KCNC4: variants seen among roughly 807,000 people sequenced by gnomAD.
KCNC4 encodes the protein potassium voltage-gated channel subfamily C member 4, also known as voltage-gated potassium channel KCNC4.
A neutral mutation model predicts 42.8 loss-of-function variants in KCNC4; 23 were observed. The observed-to-expected ratio is 0.54, with a 90% CI of 0.39 to 0.76. The LOEUF (loss-of-function observed/expected upper bound fraction) is 0.76. KCNC4 is among the 30% of genes least tolerant of loss of function. The probability of loss-of-function intolerance (pLI) is 0.00; values close to 1 mark genes in which losing one functional copy is unlikely to be tolerated. For missense variants in KCNC4, 751 were observed against 898.2 expected (o/e 0.84, Z 2.10); for synonymous variants, 422 against 393.5 (o/e 1.07, Z -0.86).
intron 2 of KCNC4, 130 bp from the exon 3 acceptor site, chr1:110,225,845 C>T: frequency 1.2e-6 from 1 of 851,306 alleles, no homozygotes; most frequent in South Asian, 1.7e-5. Context: ...GCAATGCTGC[C>T]TCTCAGGTAG....
chr1:110,217,488 A>G (rs1370422838), intron 1 of KCNC4, among the ~76,000 whole-genome samples: 1 of 152,220 alleles, frequency 6.6e-6, no homozygotes, highest in African/African-American at 2.4e-5. Context: ...GACCAGCTCA[A>G]GCAGAGCTTG....
intron 1 of KCNC4, among the ~76,000 whole-genome samples, chr1:110,254,891 A>C (rs1369835152): frequency 6.6e-6 from 1 of 152,188 alleles, no homozygotes; most frequent in Non-Finnish European, 1.5e-5. Flanking sequence ...CAGTTGTAGC[A>C]ATGCCATTCC....
chr1:110,262,220 A>G (rs543372656), intron 1 of KCNC4, among the ~76,000 whole-genome samples: 74 of 152,388 alleles, frequency 4.9e-4, no homozygotes, highest in Middle Eastern at 3.4e-3. Context: ...TTTGCTTAAA[A>G]GAACAGACTC....
intron 1 of KCNC4, among the ~76,000 whole-genome samples, chr1:110,265,059 C>T (rs1659513422): frequency 7.3e-6 from 1 of 136,644 alleles, no homozygotes; most frequent in African/African-American, 2.8e-5. Context: ...CCAGCCTGGG[C>T]AACAGAACCA....
chr1:110,256,738 G>C (rs1275556278), intron 1 of KCNC4: 1 of 153,934 alleles, frequency 6.5e-6, no homozygotes, highest in Non-Finnish European at 1.5e-5. Context: ...TCACGCCCCG[G>C]TATTACAAGG....
intron 1 of KCNC4, among the ~76,000 whole-genome samples, chr1:110,218,410 C>T (rs1657918579): frequency 6.6e-6 from 1 of 152,258 alleles, no homozygotes; most frequent in East Asian, 1.9e-4. Context: ...CAGGGCTGTT[C>T]AGGTGTCACC....
intron 1 of KCNC4, among the ~76,000 whole-genome samples, chr1:110,281,434 C>G (rs1000039907): frequency 6.6e-6 from 1 of 151,594 alleles, no homozygotes; most frequent in African/African-American, 2.4e-5. Flanking sequence ...GACATAAATA[C>G]AGAGATGGGA....
In KCNC4 at chr1:110,211,888, T is replaced by C; in HGVS notation, c.389T>C (p.Leu130Pro). 6.2e-7 allele frequency: 1 copy of C among 1,611,644 alleles called. No individual in the cohort carries two copies. Among genetic ancestry groups the C allele is most frequent in the Non-Finnish European group, 8.5e-7 (1 of 1,179,818 alleles). The change falls in exon 1 of 4, where the codon CTC becomes CCC. Residue 130 changes from leucine (L) to proline (P), a missense_variant. This residue lies in a region of KCNC4 where 183 missense variants were observed against 255.8 expected (regional missense o/e 0.72). Transcript: ENST00000438661. The surrounding 1 kb of genome is among the most constrained non-coding windows in gnomAD (Gnocchi z 6.5). Reference protein sequence around the residue: ...DVCGPLFEEELTFWGIDETDV... With the variant: ...DVCGPLFEEEPTFWGIDETDV... Reference sequence around the variant, plus strand: ...TGCGGGCCGCTCTTCGAAGAGGAGCTCACCTTCTGGGGCATCGACGAGACC... The same window carrying C: ...TGCGGGCCGCTCTTCGAAGAGGAGCCCACCTTCTGGGGCATCGACGAGACC...
chr1:110,275,697 C>G (rs932947572), intron 1 of KCNC4, among the ~76,000 whole-genome samples: 1 of 152,016 alleles, frequency 6.6e-6, no homozygotes, highest in African/African-American at 2.4e-5. Flanking sequence ...AGCTGGATGT[C>G]CCTGTAATCC....
At chr1:110,248,437 TTTTG>T (rs1284448912) in exon 4 of KCNC4, 1 of 93,058 alleles carries the variant, frequency 1.1e-5, no homozygotes, top group Admixed American at 9.8e-5. Flanking sequence ...AGGGTTTTGT[TTTTG>T]TTTTTGTTTT....
chr1:110,229,524 C>A (rs1658590311), intron 3 of KCNC4, among the ~76,000 whole-genome samples: 1 of 152,182 alleles, frequency 6.6e-6, no homozygotes, highest in Non-Finnish European at 1.5e-5. Context: ...AGTTCTTCTT[C>A]CCTCTCCCTC....
exon 4 of KCNC4, chr1:110,242,023 A>G (rs1468345074): frequency 6.6e-6 from 1 of 152,168 alleles, no homozygotes; most frequent in Non-Finnish European, 1.5e-5. Flanking sequence ...ATTCTAGTCC[A>G]TGGTTGGGTT....
In KCNC4 at chr1:110,223,421, A is replaced by G. The variant is rs765828127; in HGVS notation, c.1136A>G (p.Asn379Ser). The G allele has an allele frequency of 8.1e-6, 13 of 1,613,876 alleles. No individual in the cohort carries two copies. Among genetic ancestry groups the G allele is most frequent in the South Asian group, 2.2e-5 (2 of 91,092 alleles). The stretch of plus-strand genomic sequence containing the variant: ...GGCCACACCCTGAGGGCCAGCACCA[A>G]TGAGTTCCTGCTGCTTATCATCTTC... ...VLGHTLRASTNEFLLLIIFLA... is the reference protein window; with the variant it reads ...VLGHTLRASTSEFLLLIIFLA... The change falls in exon 2 of 4, where the codon AAT becomes AGT. Residue 379 changes from asparagine (N) to serine (S), a missense_variant. Asn to Ser is a conservative substitution (Grantham distance 46). Coordinates refer to ENST00000438661, the MANE Select transcript of KCNC4 (RefSeq NM_001039574.3). The surrounding 1 kb of genome is among the most constrained non-coding windows in gnomAD (Gnocchi z 7.5).
Position 110,233,173 on chromosome 1 carries a change from G to A in KCNC4, c.*201G>A. The A allele has an allele frequency of 1.6e-6, 1 of 623,062 alleles. No homozygotes were observed. The highest frequency in any genetic ancestry group is 2.8e-6 in the Non-Finnish European group (1 of 354,582). The allele number at this position is 623,062 out of a possible 1,614,324, so 38.6% of individuals were successfully genotyped here. A position where few individuals can be genotyped will look rare whatever the true frequency, so the allele number is the denominator to read the frequency against. On this transcript the variant is annotated 3_prime_UTR_variant, in exon 4 of 4. Transcript: ENST00000438661. ...GTTCTGTTCCATTGTACATCGAAGA[G>A]ATATATATGCACATATAGTATCTAT...
intron 3 of KCNC4, among the ~76,000 whole-genome samples, chr1:110,226,934 G>A (rs142270360): frequency 4.0e-3 from 610 of 152,300 alleles, no homozygotes; most frequent in Admixed American, 6.5e-3. Flanking sequence ...CTCGGAAAGC[G>A]GGTAGGAATG....
intron 1 of KCNC4, among the ~76,000 whole-genome samples, chr1:110,274,837 G>A (rs1280396086): frequency 6.6e-6 from 1 of 152,126 alleles, no homozygotes; most frequent in Non-Finnish European, 1.5e-5. Context: ...CTGGACCCCT[G>A]TCCCTCACCA....
chr1:110,277,758 T>C (rs923254707), intron 1 of KCNC4, among the ~76,000 whole-genome samples: 3 of 152,216 alleles, frequency 2.0e-5, no homozygotes, highest in African/African-American at 7.2e-5. Context: ...TAAAAGGTTT[T>C]ATATAGCTGT....
At position 110,233,727 on chromosome 1, in the gene KCNC4, G is replaced by A. The variant is rs1400027844; in HGVS notation, c.*755G>A. On this transcript the variant is annotated 3_prime_UTR_variant, in exon 4 of 4. Transcript: ENST00000438661. ...AGGGAAAGGATCTGTCTGCCCATCT[G>A]GCCCAGGGGGTCCGAGAAGGGAAGC... 1 of 152,406 alleles carries A rather than the reference G, an allele frequency of 6.6e-6. No homozygotes were observed. The highest frequency in any genetic ancestry group is 1.5e-5 in the Non-Finnish European group (1 of 68,212). 9.4% of individuals were successfully genotyped at this position (152,406 alleles called of 1,614,324 possible). A position where few individuals can be genotyped will look rare whatever the true frequency, so the allele number is the denominator to read the frequency against.
In KCNC4 at chr1:110,211,442, C is replaced by G. The variant is rs1367457644; in HGVS notation, c.-58C>G. 1.3e-6 allele frequency: 2 copies of G among 1,534,640 alleles called. No individual in the cohort carries two copies. The highest frequency in any genetic ancestry group is 1.9e-5 in the Admixed American group (1 of 51,400). On this transcript the variant is annotated 5_prime_UTR_variant, in exon 1 of 4. Coordinates refer to ENST00000438661, the MANE Select transcript of KCNC4 (RefSeq NM_001039574.3). The surrounding 1 kb of genome is among the most constrained non-coding windows in gnomAD (Gnocchi z 6.5). ...CCTCCCCCGTCTGACGCTGCCTCCT[C>G]GGGAAGGGTGTTTGGAGGGCAGCGG...
Sources: allele counts gnomAD v4.1 joint callset (sites outside exome capture counted in the v4.1 genomes callset), GRCh38; gene constraint gnomAD v4.1.1; regional missense constraint gnomAD v4.1.1; non-coding constraint Gnocchi (gnomAD v3.1); transcripts MANE v1.5; gene names NCBI Gene and HGNC (gene_info 2026-07-23, HGNC 2026-07-21).